The following CALN1 variants were observed in gnomAD, a reference collection of about 807,000 sequenced individuals.
CALN1 encodes the protein calcium-binding protein 8.
In CALN1, 17 loss-of-function variants were observed where a neutral mutation model predicts 30.6. The ratio of observed to expected loss-of-function variants is 0.56; its 90% confidence interval spans 0.38 to 0.83. The LOEUF is 0.83. CALN1 is among the 40% of genes least tolerant of loss of function. The probability of loss-of-function intolerance (pLI) is 0.00; values close to 1 mark genes in which losing one functional copy is unlikely to be tolerated. For missense variants in CALN1, 291 were observed against 354.9 expected (o/e 0.82, Z 1.45); for synonymous variants, 156 against 131.4 (o/e 1.19, Z -1.28).
intron 3 of CALN1, among the ~76,000 whole-genome samples, chr7:72,196,444 A>C (rs576459921): frequency 6.6e-6 from 1 of 152,060 alleles, no homozygotes; most frequent in African/African-American, 2.4e-5. Context: ...GAGCAACAAA[A>C]ATGTTCTAAA....
At chr7:72,279,782 C>T (rs777576142) in intron 2 of CALN1, among the ~76,000 whole-genome samples, 9 of 152,212 alleles carry the variant, frequency 5.9e-5, no homozygotes, top group Non-Finnish European at 1.0e-4. Context: ...TGATGCTCTC[C>T]GTGACTTTGA....
chr7:72,049,978 C>CT (rs879538070), intron 4 of CALN1, among the ~76,000 whole-genome samples: 106 of 143,388 alleles, frequency 7.4e-4, no homozygotes, highest in Admixed American at 2.6e-3. Context: ...CCTGGCTATA[C>CT]TTTTTTTTTT....
intron 2 of CALN1, among the ~76,000 whole-genome samples, chr7:72,340,980 C>G (rs1199342917): frequency 6.6e-6 from 1 of 152,178 alleles, no homozygotes; most frequent in Non-Finnish European, 1.5e-5. Context: ...TCCATTAAAT[C>G]TTTCTTTTGT....
intron 3 of CALN1, among the ~76,000 whole-genome samples, chr7:72,142,012 AG>A (rs1331228914): frequency 6.6e-6 from 1 of 152,206 alleles, no homozygotes; most frequent in Non-Finnish European, 1.5e-5. Context: ...ATGGCCGAAT[AG>A]GAACAGCTCC....
At chr7:72,051,928 C>CAT (rs1802860432) in intron 4 of CALN1, among the ~76,000 whole-genome samples, 1 of 152,180 alleles carries the variant, frequency 6.6e-6, no homozygotes, top group African/African-American at 2.4e-5. Flanking sequence ...AAGGCAGAAG[C>CAT]ATATTCTCCT....
At chr7:72,238,992 C>T (rs1794662162) in intron 3 of CALN1, among the ~76,000 whole-genome samples, 2 of 152,210 alleles carry the variant, frequency 1.3e-5, no homozygotes, top group Admixed American at 1.3e-4. Context: ...GGCCCTCAGA[C>T]TCTTGCCCCA....
At chr7:72,001,350 G>A (rs968923882) in intron 5 of CALN1, among the ~76,000 whole-genome samples, 8 of 152,238 alleles carry the variant, frequency 5.3e-5, no homozygotes, top group African/African-American at 1.7e-4. Context: ...TGTGCACTAA[G>A]TGGCAAAGTG....
intron 2 of CALN1, among the ~76,000 whole-genome samples, chr7:72,307,619 G>T (rs1267341546): frequency 6.6e-6 from 1 of 152,180 alleles, no homozygotes; most frequent in Non-Finnish European, 1.5e-5. Flanking sequence ...TGAGAGCTAC[G>T]CATATTCAAA....
intron 5 of CALN1, among the ~76,000 whole-genome samples, chr7:72,015,951 T>G (rs1201158682): frequency 6.6e-6 from 1 of 152,020 alleles, no homozygotes; most frequent in African/African-American, 2.4e-5. Context: ...CATTAGATGA[T>G]TAAGAATGGA....
Position 72,182,777 on chromosome 7 carries a change from A to AAC in CALN1, c.245-76484_245-76483insGT, listed in dbSNP as rs1377061825. Reference sequence around the variant, plus strand: ...AAATTCTACCAATGTTGTAAAAAAAAAAACAAACAAAAATAGAAAAGACGT... The same window carrying AAC: ...AAATTCTACCAATGTTGTAAAAAAAAACAAACAAACAAAAATAGAAAAGACGT... On this transcript the variant is annotated intron_variant, in intron 3 of 6. Transcript: ENST00000395275. 4.6e-5 allele frequency among the ~76,000 whole-genome samples: 7 copies of AAC among 151,700 alleles called. No homozygotes were observed. The South Asian group carries it at 1.0e-3, about 23-fold the overall frequency.
chr7:71,963,209 C>A (rs1255717906), intron 5 of CALN1, among the ~76,000 whole-genome samples: 1 of 152,144 alleles, frequency 6.6e-6, no homozygotes, highest in Non-Finnish European at 1.5e-5. Context: ...GTCACCCAGG[C>A]TGGAGTGCGG....
Position 71,812,929 on chromosome 7 carries a change from C to CATCATCATCATT in CALN1, c.502-2438_502-2437insAATGATGATGAT, listed in dbSNP as rs1287091997. ...CAGCTATTTTATTTATCATCATCATCATTATTATTATTATTATTATTATTA... is the reference window on the plus strand; with the variant it reads ...CAGCTATTTTATTTATCATCATCATCATCATCATCATTATTATTATTATTATTATTATTATTA... On this transcript the variant is annotated intron_variant, in intron 5 of 6. Transcript: ENST00000395275. Among the ~76,000 whole-genome samples the CATCATCATCATT allele has an allele frequency of 3.6e-3, 485 of 136,492 alleles. 3 individuals are homozygous for CATCATCATCATT. Among genetic ancestry groups the CATCATCATCATT allele is most frequent in the Non-Finnish European group, 3.8e-3 (248 of 64,566 alleles). The allele number at this position is 136,492 out of a possible 152,430, so 89.5% of individuals were successfully genotyped here. A position where few individuals can be genotyped will look rare whatever the true frequency, so the allele number is the denominator to read the frequency against.
chr7:72,109,338 T>C lies in CALN1; in HGVS notation c.245-3044A>G, dbSNP rs550413392. ...GGCCTCAGTTTGTTCATGCGTAAAA[T>C]GAGCTGTGCTGGCTGCATGGATCCC... On this transcript the variant is annotated intron_variant, in intron 3 of 6. Coordinates refer to ENST00000395275, the MANE Select transcript of CALN1 (RefSeq NM_031468.4). 3.9e-4 allele frequency among the ~76,000 whole-genome samples: 59 copies of C among 152,232 alleles called. 1 individual carries two copies. The Middle Eastern group carries it at 0.01, about 26-fold the overall frequency.
At chr7:71,999,937 A>G (rs1306150026) in intron 5 of CALN1, among the ~76,000 whole-genome samples, 1 of 152,200 alleles carries the variant, frequency 6.6e-6, no homozygotes, top group African/African-American at 2.4e-5. Context: ...CCATAATGAA[A>G]TCAAACTAGA....
chr7:71,895,718 C>A (rs1326430285), intron 5 of CALN1, among the ~76,000 whole-genome samples: 2 of 152,138 alleles, frequency 1.3e-5, no homozygotes, highest in Non-Finnish European at 2.9e-5. Flanking sequence ...AGGAAGAAAT[C>A]TGAGAAGAAA....
At chr7:72,337,011 G>A in intron 2 of CALN1, 1 of 985,486 alleles carries the variant, frequency 1.0e-6, no homozygotes, top group Non-Finnish European at 1.2e-6. Flanking sequence ...CTCTCGTCTG[G>A]GGACGTGTGC....
intron 5 of CALN1, among the ~76,000 whole-genome samples, chr7:71,827,348 T>C (rs1788976388): frequency 6.6e-6 from 1 of 152,190 alleles, no homozygotes; most frequent in African/African-American, 2.4e-5. Context: ...GAGCTTCCTC[T>C]GAGCCAGGAG....
At chr7:71,871,570 A>G (rs35972568) in intron 5 of CALN1, among the ~76,000 whole-genome samples, 37,462 of 151,918 alleles carry the variant, frequency 0.25, 4,969 homozygotes, top group African/African-American at 0.32. Context: ...ACAACCGAGT[A>G]AGACCCCATC....
chr7:72,143,522 G>A (rs1295653708), intron 3 of CALN1, among the ~76,000 whole-genome samples: 2 of 152,174 alleles, frequency 1.3e-5, no homozygotes, highest in Non-Finnish European at 2.9e-5. Flanking sequence ...AAGTGACGGG[G>A]AGAATGGAAC....
Sources: gnomAD v4.1 joint callset for allele counts (sites outside exome capture counted in the v4.1 genomes callset) on GRCh38, gnomAD v4.1.1 for gene constraint, MANE v1.5 for transcripts, NCBI Gene and HGNC (gene_info 2026-07-23, HGNC 2026-07-21) for gene names.